DHRS12: variants seen among roughly 807,000 people sequenced by gnomAD.
The protein encoded by DHRS12 is dehydrogenase/reductase 12.
A neutral mutation model predicts 32.1 loss-of-function variants in DHRS12; 29 were observed. That is an observed-to-expected ratio of 0.90 (90% CI 0.67 to 1.23). The LOEUF is 1.23. Ranked by LOEUF, DHRS12 falls within the 50% of genes most tolerant of loss-of-function variation. The pLI is 0.00. For synonymous variants in DHRS12, 150 were observed against 135.9 expected (o/e 1.10, Z -0.72); for missense variants, 330 against 337.2 (o/e 0.98, Z 0.17).
At chr13:51,759,503 T>G in the DHRS12 span, among the ~76,000 whole-genome samples, 789 of 152,346 alleles carry the variant, frequency 5.2e-3, 10 homozygotes, top group African/African-American at 0.018. Context: ...ATTAATAGAT[T>G]GAATCTGCCA....
At chr13:51,776,120 A>G (rs1172948156) in intron 5 of DHRS12, 1 of 114,980 alleles carries the variant, frequency 8.7e-6, no homozygotes, top group Non-Finnish European at 1.8e-5. Flanking sequence ...TCCTACATGT[A>G]TTCTACAGTA....
intron 1 of DHRS12, among the ~76,000 whole-genome samples, chr13:51,802,726 C>G (rs1190647219): frequency 6.6e-6 from 1 of 152,212 alleles, no homozygotes; most frequent in Non-Finnish European, 1.5e-5. Context: ...GAAGTCAAAA[C>G]AAGGTTGTTG....
At chr13:51,796,698 T>C (rs987189074) in intron 2 of DHRS12, among the ~76,000 whole-genome samples, 31 of 152,196 alleles carry the variant, frequency 2.0e-4, no homozygotes, top group Admixed American at 6.5e-5. Context: ...TGTTGCATCC[T>C]GCAGCAGCAC....
At chr13:51,788,593 C>T (rs1955106808) in intron 4 of DHRS12, among the ~76,000 whole-genome samples, 5 of 151,970 alleles carry the variant, frequency 3.3e-5, no homozygotes, top group Admixed American at 3.3e-4. Context: ...ACCTGTAATC[C>T]CAATACTTTG....
the DHRS12 span, chr13:51,760,320 C>G: frequency 6.6e-6 from 1 of 152,198 alleles, no homozygotes; most frequent in Non-Finnish European, 1.5e-5. Flanking sequence ...TTTGGAAACT[C>G]ATCATGTGGA....
In DHRS12 at chr13:51,768,240, CGGCCGGT is replaced by C; in HGVS notation, c.747_753del (p.Pro250LysfsTer43). 1 of 1,536,102 alleles carries C rather than the reference CGGCCGGT, an allele frequency of 6.5e-7. No individual in the cohort carries two copies. The highest frequency in any genetic ancestry group is 8.7e-7 in the Non-Finnish European group (1 of 1,146,916). On this transcript the variant is annotated frameshift_variant, in exon 9 of 9. Transcript: ENST00000444610. LOFTEE classifies it low-confidence loss of function (END_TRUNC). ...AGGATTTCAATGAGTTTCTCCTCTT[CGGCCGGT>C]GAGGAGGACGCTGTAGCGAGAGGCA...
chr13:51,797,118 G>A (rs913459499), intron 2 of DHRS12, among the ~76,000 whole-genome samples: 26 of 152,050 alleles, frequency 1.7e-4, no homozygotes, highest in Non-Finnish European at 2.6e-4. Flanking sequence ...CATGACTGAG[G>A]GTCCTTTTGG....
At chr13:51,774,228 TGTATTCTCCTACA>T (rs1334587870) in intron 5 of DHRS12, 194 bp from the exon 6 acceptor site, 30 of 530,022 alleles carry the variant, frequency 5.7e-5, no homozygotes, top group Admixed American at 4.7e-4. Flanking sequence ...CTACAGTACA[TGTATTCTCCTACA>T]GTATTCTCCT....
At chr13:51,771,619 A>G (rs1954020940) in intron 7 of DHRS12, 2 of 1,465,860 alleles carry the variant, frequency 1.4e-6, no homozygotes, top group Non-Finnish European at 9.2e-7. Flanking sequence ...GCACAGGGCA[A>G]GCTGGAAGCA....
intron 2 of DHRS12, among the ~76,000 whole-genome samples, chr13:51,794,739 C>A (rs1249195871): frequency 6.6e-6 from 1 of 151,664 alleles, no homozygotes; most frequent in Non-Finnish European, 1.5e-5. Context: ...TCAAAAATAG[C>A]CTATCTCAAA....
rs1276011618 is a variant in DHRS12, at chr13:51,771,918, A to C, written c.469-7T>G. ...TCAGAACCACTTGCTGCCTCTGGAC[A>C]GGAAGGAGCGAGGGGGTGAACAGGA... On this transcript the variant is annotated splice_region_variant and splice_polypyrimidine_tract_variant and intron_variant, in intron 6 of 8. Coordinates refer to ENST00000444610, the MANE Select transcript of DHRS12 (RefSeq NM_001377533.1). 1 of 1,613,984 alleles carries C rather than the reference A, an allele frequency of 6.2e-7. No homozygotes were observed. The highest frequency in any genetic ancestry group is 8.5e-7 in the Non-Finnish European group (1 of 1,179,960).
At chr13:51,795,482 C>A (rs917810591) in intron 2 of DHRS12, among the ~76,000 whole-genome samples, 1 of 152,216 alleles carries the variant, frequency 6.6e-6, no homozygotes, top group Non-Finnish European at 1.5e-5. Context: ...AGCTTCCCAT[C>A]TTGTAGCCCT....
At chr13:51,755,167 A>G in the DHRS12 span, among the ~76,000 whole-genome samples, 2 of 152,220 alleles carry the variant, frequency 1.3e-5, no homozygotes, top group African/African-American at 2.4e-5. Context: ...CTTATTCACC[A>G]CTACATCCCA....
chr13:51,794,587 C>T (rs1431231145), intron 2 of DHRS12, among the ~76,000 whole-genome samples: 2 of 152,146 alleles, frequency 1.3e-5, no homozygotes, highest in Non-Finnish European at 2.9e-5. Flanking sequence ...TTCACAGAAC[C>T]TTCCAGCCAC....
the DHRS12 span, chr13:51,758,213 C>T: frequency 1.3e-6 from 2 of 1,588,142 alleles, no homozygotes; most frequent in African/African-American, 2.7e-5. Flanking sequence ...CAGCCACCTT[C>T]CATGACAGTA....
At chr13:51,783,821 A>G (rs1030295222) in intron 4 of DHRS12, among the ~76,000 whole-genome samples, 11 of 152,176 alleles carry the variant, frequency 7.2e-5, no homozygotes, top group African/African-American at 2.4e-4. Context: ...TGTTTTGTAC[A>G]TTGACATTTT....
At chr13:51,785,386 T>G (rs1163355010) in intron 4 of DHRS12, among the ~76,000 whole-genome samples, 1 of 152,206 alleles carries the variant, frequency 6.6e-6, no homozygotes, top group East Asian at 1.9e-4. Flanking sequence ...TGTTCAATAT[T>G]CATTCTCTCC....
At chr13:51,756,555 C>T in the DHRS12 span, 61 of 1,477,204 alleles carry the variant, frequency 4.1e-5, no homozygotes, top group Non-Finnish European at 5.3e-5. Flanking sequence ...TCAGGTTGCT[C>T]TAGTTTCTGC....
intron 4 of DHRS12, among the ~76,000 whole-genome samples, chr13:51,777,978 G>A (rs1363099546): frequency 4.6e-5 from 7 of 152,218 alleles, no homozygotes; most frequent in Non-Finnish European, 7.3e-5. Flanking sequence ...GGCGAGCCCT[G>A]GGCTCTTTCC....
Sources: gnomAD v4.1 joint callset for allele counts (sites outside exome capture counted in the v4.1 genomes callset) on GRCh38, gnomAD v4.1.1 for gene constraint, MANE v1.5 for transcripts, NCBI Gene and HGNC (gene_info 2026-07-23, HGNC 2026-07-21) for gene names.